The following AGPAT3 variants were observed in gnomAD, a reference collection of about 807,000 sequenced individuals.
AGPAT3 encodes 1-acyl-sn-glycerol-3-phosphate acyltransferase gamma.
In AGPAT3, 5 loss-of-function variants were observed where a neutral mutation model predicts 47.3. That is an observed-to-expected ratio of 0.11 (90% CI 0.06 to 0.22). AGPAT3 has a LOEUF of 0.22. Among genes scored for constraint, AGPAT3 ranks in the 10% least tolerant of loss-of-function variants. The pLI is 1.00. For missense variants in AGPAT3, 315 were observed against 493.0 expected, an observed-to-expected ratio of 0.64 and a Z score of 3.42; for synonymous variants, 212 against 208.3, an observed-to-expected ratio of 1.02 and a Z score of -0.15.
intron 1 of AGPAT3, among the ~76,000 whole-genome samples, chr21:43,897,896 C>T (rs748396018): frequency 6.6e-5 from 10 of 152,152 alleles, no homozygotes; most frequent in Non-Finnish European, 8.8e-5. Context: ...CCCAGCACCT[C>T]GGGAGGCCGA....
chr21:43,973,836 G>A lies in AGPAT3; in HGVS notation c.767+2346G>A, dbSNP rs143494322. On this transcript the variant is annotated intron_variant, in intron 7 of 9. Coordinates refer to ENST00000291572, the MANE Select transcript of AGPAT3 (RefSeq NM_020132.5). The stretch of plus-strand genomic sequence containing the variant: ...GAAGCAGGGCCAATGTGTGCAGGAC[G>A]GCTGCAGGGCTCTCCTGTCCCCAGG... 2.4e-3 allele frequency among the ~76,000 whole-genome samples: 367 copies of A among 152,304 alleles called. 1 individual carries two copies. Among genetic ancestry groups the A allele is most frequent in the East Asian group, 0.013 (65 of 5,168 alleles).
chr21:43,972,916 G>A (rs2089457867), intron 7 of AGPAT3, among the ~76,000 whole-genome samples: 1 of 152,204 alleles, frequency 6.6e-6, no homozygotes. Context: ...GTCACTATAT[G>A]TGTTTCCATA....
intron 8 of AGPAT3, among the ~76,000 whole-genome samples, chr21:43,979,357 C>T (rs1601485225): frequency 6.7e-6 from 1 of 149,982 alleles, no homozygotes; most frequent in East Asian, 2.0e-4. Context: ...GGGAAATCTC[C>T]AGGACTGAAA....
In AGPAT3 at chr21:43,955,140, C is replaced by T. The variant is rs986986967; in HGVS notation, c.-48-4494C>T. 29 of 1,276,904 alleles carry T rather than the reference C, an allele frequency of 2.3e-5. No homozygotes were observed. Among genetic ancestry groups the T allele is most frequent in the African/African-American group, 1.4e-4 (9 of 65,514 alleles). The allele number at this position is 1,276,904 out of a possible 1,614,324, so 79.1% of individuals were successfully genotyped here. A position where few individuals can be genotyped will look rare whatever the true frequency, so the allele number is the denominator to read the frequency against. ...TGCCGTGGGGGTCACTCAGCAGCCA[C>T]GGATGCGCCCTGGGTGCTGTCCCGG... is the stretch of plus-strand genomic sequence containing the variant. On this transcript the variant is annotated intron_variant, in intron 2 of 9. Coordinates refer to ENST00000291572, the MANE Select transcript of AGPAT3 (RefSeq NM_020132.5). The surrounding 1 kb of genome is among the most constrained non-coding windows in gnomAD (Gnocchi z 4.1).
chr21:43,967,827 C>T lies in AGPAT3; in HGVS notation c.179-119C>T, dbSNP rs960542576. The T allele has an allele frequency of 2.9e-6, 3 of 1,026,270 alleles. No individual in the cohort carries two copies. The African/African-American group carries it at 4.8e-5, about 17-fold the overall frequency. 63.6% of individuals were successfully genotyped at this position (1,026,270 alleles called of 1,614,324 possible). Reference sequence around the variant, plus strand: ...GTACTCAGTGTAAGTCATCAAAACTCATGTTTAGCAGAGACTTCCTCTCTG... The same window carrying T: ...GTACTCAGTGTAAGTCATCAAAACTTATGTTTAGCAGAGACTTCCTCTCTG... On this transcript the variant is annotated intron_variant, in intron 3 of 9. Transcript: ENST00000291572.
chr21:43,889,556 C>T (rs1404359788), intron 1 of AGPAT3, among the ~76,000 whole-genome samples: 2 of 152,106 alleles, frequency 1.3e-5, no homozygotes, highest in East Asian at 1.9e-4. Context: ...TTGTGGGTTC[C>T]GTTCCGGACT....
intron 3 of AGPAT3, 49 bp downstream of exon 3, chr21:43,959,908 T>G (rs1601427135): frequency 6.5e-7 from 1 of 1,543,382 alleles, no homozygotes; most frequent in African/African-American, 1.4e-5. Flanking sequence ...CCCGTGGGGG[T>G]GGCGCGCGAC....
intron 1 of AGPAT3, among the ~76,000 whole-genome samples, chr21:43,881,053 A>G (rs2085845298): frequency 6.6e-6 from 1 of 152,206 alleles, no homozygotes; most frequent in African/African-American, 2.4e-5. Flanking sequence ...AGAAAGTGAT[A>G]GTAATTACTA....
chr21:43,955,938 C>T lies in AGPAT3; in HGVS notation c.-48-3696C>T, dbSNP rs74278996. Among the ~76,000 whole-genome samples the T allele has an allele frequency of 0.012, 1,892 of 152,094 alleles. 44 individuals are homozygous for T. Among genetic ancestry groups the T allele is most frequent in the African/African-American group, 0.042 (1,730 of 41,480 alleles). On this transcript the variant is annotated intron_variant, in intron 2 of 9. Coordinates refer to ENST00000291572, the MANE Select transcript of AGPAT3 (RefSeq NM_020132.5). This position sits in a 1 kb window ranked among gnomAD's most constrained non-coding sequence, Gnocchi z 4.1. ...AAAATCAGATTCCTGTACTTTGCGCCGTAGCAACGGAATCAGCAGGTCTGC... is the reference window on the plus strand; with the variant it reads ...AAAATCAGATTCCTGTACTTTGCGCTGTAGCAACGGAATCAGCAGGTCTGC...
chr21:43,984,670 T>C lies in AGPAT3; in HGVS notation c.*2278T>C, dbSNP rs1189089781. The stretch of plus-strand genomic sequence containing the variant: ...TTTAAGAGCAATAAAAACTACACCA[T>C]GAATGTTTGAATTTTTTTTTTTTGG... On this transcript the variant is annotated 3_prime_UTR_variant, in exon 10 of 10. Coordinates refer to ENST00000291572, the MANE Select transcript of AGPAT3 (RefSeq NM_020132.5). The C allele has an allele frequency of 6.6e-6, 1 of 150,942 alleles. No homozygotes were observed. The highest frequency in any genetic ancestry group is 1.4e-5 in the Non-Finnish European group (1 of 72,586). 9.4% of individuals were successfully genotyped at this position (150,942 alleles called of 1,614,324 possible).
chr21:43,882,698 A>G (rs1178714184), intron 1 of AGPAT3: 1 of 152,348 alleles, frequency 6.6e-6, no homozygotes, highest in African/African-American at 2.4e-5. Flanking sequence ...ACACCCCTCC[A>G]TAAACATCTA....
At chr21:43,884,696 G>A (rs1309960146) in intron 1 of AGPAT3, among the ~76,000 whole-genome samples, 1 of 152,000 alleles carries the variant, frequency 6.6e-6, no homozygotes, top group African/African-American at 2.4e-5. Context: ...CCTGGTGCTG[G>A]GTGGCCTGAT....
chr21:43,944,079 A>G (rs2087772114), intron 2 of AGPAT3, among the ~76,000 whole-genome samples: 1 of 152,306 alleles, frequency 6.6e-6, no homozygotes, highest in East Asian at 1.9e-4. Context: ...CCGCCTCTCT[A>G]AGGAGCCACA....
intron 1 of AGPAT3, among the ~76,000 whole-genome samples, chr21:43,897,146 A>C (rs2086239294): frequency 6.6e-6 from 1 of 151,558 alleles, no homozygotes; most frequent in South Asian, 2.1e-4. Flanking sequence ...GAGATTAGGG[A>C]GTGGTGATGA....
chr21:43,900,988 A>G (rs2086336266), intron 1 of AGPAT3, among the ~76,000 whole-genome samples: 1 of 152,156 alleles, frequency 6.6e-6, no homozygotes, highest in African/African-American at 2.4e-5. Flanking sequence ...AAAACCCAGA[A>G]GAAGAGGAAA....
chr21:43,869,162 A>G (rs2085571091), intron 1 of AGPAT3, among the ~76,000 whole-genome samples: 1 of 152,228 alleles, frequency 6.6e-6, no homozygotes, highest in South Asian at 2.1e-4. Flanking sequence ...CAAGAAGAAA[A>G]TTAATTCAAT....
intron 2 of AGPAT3, among the ~76,000 whole-genome samples, chr21:43,923,757 G>A (rs2086966432): frequency 6.6e-6 from 1 of 152,228 alleles, no homozygotes; most frequent in Non-Finnish European, 1.5e-5. Flanking sequence ...GAGGCCTGGG[G>A]GATCCTGGGT....
Position 43,973,280 on chromosome 21 carries a change from C to T in AGPAT3, c.767+1790C>T, listed in dbSNP as rs193077806. 1.1e-4 allele frequency among the ~76,000 whole-genome samples: 16 copies of T among 152,314 alleles called. 1 individual carries two copies. The highest frequency in any genetic ancestry group is 2.2e-4 in the African/African-American group (9 of 41,568). ...GAGCCACTGTGGACCATGGAGGCTG[C>T]GGTGACTGACCGGGGCCCTGGACGG... On this transcript the variant is annotated intron_variant, in intron 7 of 9. Coordinates refer to ENST00000291572, the MANE Select transcript of AGPAT3 (RefSeq NM_020132.5).
rs2089870984 is a variant in AGPAT3 at position 43,982,018 on chromosome 21, C to T, written c.1043-286C>T. On this transcript the variant is annotated intron_variant, in intron 9 of 9. Transcript: ENST00000291572. The surrounding 1 kb of genome is among the most constrained non-coding windows in gnomAD (Gnocchi z 6.2). ...TAGAATGCCCCGAAGCCCTTCTGCT[C>T]CCACCAGCCAAAGACCCAGAGGGGC... Among the ~76,000 whole-genome samples the T allele has an allele frequency of 6.6e-6, 1 of 152,218 alleles. No homozygotes were observed. The highest frequency in any genetic ancestry group is 2.4e-5 in the African/African-American group (1 of 41,454).
Sources: allele counts gnomAD v4.1 joint callset (sites outside exome capture counted in the v4.1 genomes callset), GRCh38; gene constraint gnomAD v4.1.1; non-coding constraint Gnocchi (gnomAD v3.1); transcripts MANE v1.5; gene names NCBI Gene and HGNC (gene_info 2026-07-23, HGNC 2026-07-21).